The following DNAH7 variants were observed in gnomAD, a reference collection of about 807,000 sequenced individuals.
DNAH7 encodes axonemal beta dynein heavy chain 7.
In DNAH7, 397 loss-of-function variants were observed where a neutral mutation model predicts 444.6. The observed-to-expected ratio is 0.89, with a 90% CI of 0.82 to 0.97. The LOEUF (loss-of-function observed/expected upper bound fraction) is 0.97, where lower values mean the gene tolerates loss of function less well. DNAH7 is among the 50% of genes least tolerant of loss of function. The probability of loss-of-function intolerance (pLI) is 0.00; values close to 1 mark genes in which losing one functional copy is unlikely to be tolerated. For synonymous variants in DNAH7, 1,636 were observed against 1,624.4 expected (o/e 1.01, Z -0.17); for missense variants, 4,902 against 4,800.8 (o/e 1.02, Z -0.62).
intron 20 of DNAH7, 33 bp from the exon 21 acceptor site, chr2:195,934,822 C>A (rs1247599287): frequency 1.9e-6 from 3 of 1,605,068 alleles, no homozygotes; most frequent in Non-Finnish European, 2.6e-6. Flanking sequence ...GATAATTAAC[C>A]AAGTTAAAAC....
At position 195,990,970 on chromosome 2, in the gene DNAH7, CAT is replaced by C. The variant is rs111362660; in HGVS notation, c.1354-2743_1354-2742del. On this transcript the variant is annotated intron_variant, in intron 12 of 64. Transcript: ENST00000312428. Reference sequence around the variant, plus strand: ...ACATATATATACTTAAATATATATACATATATATATATATATGCTTAAGTGTT... The same window carrying C: ...ACATATATATACTTAAATATATATACATATATATATATATGCTTAAGTGTT... Among the ~76,000 whole-genome samples the C allele has an allele frequency of 1.7e-3, 233 of 133,448 alleles. 1 individual carries two copies. The highest frequency in any genetic ancestry group is 4.0e-3 in the Middle Eastern group (1 of 250). 87.5% of individuals were successfully genotyped at this position (133,448 alleles called of 152,430 possible). A position where few individuals can be genotyped will look rare whatever the true frequency, so the allele number is the denominator to read the frequency against.
rs534011623 is a variant in DNAH7 at position 195,941,756 on chromosome 2, C to G, written c.3079-4964G>C. Among the ~76,000 whole-genome samples the G allele has an allele frequency of 2.0e-5, 3 of 152,184 alleles. No individual in the cohort carries two copies. The East Asian group carries it at 5.8e-4, about 29-fold the overall frequency. On this transcript the variant is annotated intron_variant, in intron 19 of 64. Transcript: ENST00000312428. ...CTTCAAGAAAGGAAATGTAGGTTGA[C>G]AGAGTAGAACTTAAAACCTCTTACA...
At position 196,012,821 on chromosome 2, in the gene DNAH7, G is replaced by C; in HGVS notation, c.955C>G (p.His319Asp). The C allele has an allele frequency of 6.3e-7, 1 of 1,589,998 alleles. No individual in the cohort carries two copies. Among genetic ancestry groups the C allele is most frequent in the Non-Finnish European group, 8.6e-7 (1 of 1,169,528 alleles). Residue 319 changes from histidine (H) to aspartate (D), a missense_variant, in exon 10 of 65, where the codon CAC becomes GAC. Physicochemically the swap from His to Asp is moderately conservative, Grantham distance 81. Transcript: ENST00000312428. ...AGAGTCTCTTTGGCAGAGTCCATGTGTCTCATGATAATGTTCTGAAAACTT... is the reference window on the plus strand; with the variant it reads ...AGAGTCTCTTTGGCAGAGTCCATGTCTCTCATGATAATGTTCTGAAAACTT... Reference protein sequence around the residue: ...LSSFQNIIMRHMDSAKETLLK... With the variant: ...LSSFQNIIMRDMDSAKETLLK...
chr2:195,969,849 G>T, intron 17 of DNAH7, 99 bp downstream of exon 17: 2 of 1,223,198 alleles, frequency 1.6e-6, no homozygotes, highest in Middle Eastern at 2.7e-4. Context: ...TGTGGTTACT[G>T]TTTTATTTGA....
intron 15 of DNAH7, among the ~76,000 whole-genome samples, chr2:195,976,904 T>TGA (rs1692250560): frequency 6.6e-6 from 1 of 152,188 alleles, no homozygotes; most frequent in Non-Finnish European, 1.5e-5. Flanking sequence ...TACAAGGCTA[T>TGA]GAGATCCACA....
At chr2:195,970,935 T>A (rs932360796) in intron 16 of DNAH7, among the ~76,000 whole-genome samples, 2 of 152,210 alleles carry the variant, frequency 1.3e-5, no homozygotes, top group East Asian at 3.8e-4. Flanking sequence ...GTTTGTGGAA[T>A]AGTATACTTT....
chr2:195,814,285 G>T (rs1238457612), intron 51 of DNAH7, among the ~76,000 whole-genome samples: 1 of 152,118 alleles, frequency 6.6e-6, no homozygotes, highest in Non-Finnish European at 1.5e-5. Context: ...ACATACATAA[G>T]ATTTTAATTG....
chr2:195,757,041 C>T (rs1200351438), intron 61 of DNAH7, among the ~76,000 whole-genome samples: 10 of 151,936 alleles, frequency 6.6e-5, no homozygotes, highest in Non-Finnish European at 1.0e-4. Flanking sequence ...TTGCCCATGC[C>T]GGTCTCAAAC....
intron 1 of DNAH7, among the ~76,000 whole-genome samples, chr2:196,067,416 A>T (rs1331367646): frequency 6.6e-6 from 1 of 152,042 alleles, no homozygotes; most frequent in East Asian, 1.9e-4. Context: ...AACTAGTAAG[A>T]TCTATTAAAC....
chr2:195,784,026 C>A (rs187728205), intron 58 of DNAH7, among the ~76,000 whole-genome samples: 1 of 152,178 alleles, frequency 6.6e-6, no homozygotes, highest in Admixed American at 6.5e-5. Flanking sequence ...GCACAGCCTC[C>A]CCCAGTATCA....
Position 195,808,836 on chromosome 2 carries a change from A to G in DNAH7, c.9929T>C (p.Ile3310Thr), listed in dbSNP as rs1348162948. The G allele has an allele frequency of 6.2e-7, 1 of 1,613,790 alleles. No individual in the cohort carries two copies. Among genetic ancestry groups the G allele is most frequent in the Admixed American group, 1.7e-5 (1 of 59,936 alleles). The change falls in exon 53 of 65, where the codon ATT becomes ACT. Residue 3310 changes from isoleucine (I) to threonine (T), a missense_variant. Physicochemically the swap from Ile to Thr is moderately conservative, Grantham distance 89 (BLOSUM62 -1). Coordinates refer to ENST00000312428, the MANE Select transcript of DNAH7 (RefSeq NM_018897.3). ...AEWRFLLTGG[I>T]GLDNPYANLC... ...GTTGGCATAAGGATTATCCAGTCCAATGCCACCAGTTAGCAGAAATCTCCA... is the reference window on the plus strand; with the variant it reads ...GTTGGCATAAGGATTATCCAGTCCAGTGCCACCAGTTAGCAGAAATCTCCA...
intron 48 of DNAH7, among the ~76,000 whole-genome samples, chr2:195,828,318 C>T (rs1224562386): frequency 6.6e-6 from 1 of 152,124 alleles, no homozygotes; most frequent in East Asian, 1.9e-4. Flanking sequence ...GGCACAGTGG[C>T]TCATGCCTGT....
chr2:196,046,796 CAA>C (rs1297936168), intron 5 of DNAH7, among the ~76,000 whole-genome samples: 1 of 152,146 alleles, frequency 6.6e-6, no homozygotes, highest in African/African-American at 2.4e-5. Flanking sequence ...ACTCGTCCCA[CAA>C]ATGGTGTACA....
rs1689081907 is a variant in DNAH7 at position 195,936,764 on chromosome 2, A to G, written c.3107T>C (p.Ile1036Thr). Residue 1036 changes from isoleucine to threonine, a missense_variant, in exon 20 of 65, where the codon ATT becomes ACT. Transcript: ENST00000312428. Reference sequence around the variant, plus strand: ...TTTCAGCCTTTCCAGCATTCTGTCAATGGTTACAACTGTCAGAACATGTTT... The same window carrying G: ...TTTCAGCCTTTCCAGCATTCTGTCAGTGGTTACAACTGTCAGAACATGTTT... ...QDKHVLTVVTIDRMLERLKKS... is the reference protein window; with the variant it reads ...QDKHVLTVVTTDRMLERLKKS... 6.3e-7 allele frequency: 1 copy of G among 1,583,664 alleles called. No individual in the cohort carries two copies. The highest frequency in any genetic ancestry group is 8.6e-7 in the Non-Finnish European group (1 of 1,167,988).
chr2:195,915,790 T>C (rs1486893213), intron 24 of DNAH7, among the ~76,000 whole-genome samples: 1 of 152,178 alleles, frequency 6.6e-6, no homozygotes, highest in Non-Finnish European at 1.5e-5. Context: ...TTCAGCCATA[T>C]GGAAAGCATG....
intron 45 of DNAH7, among the ~76,000 whole-genome samples, chr2:195,853,838 T>C (rs1424291018): frequency 6.6e-6 from 1 of 152,200 alleles, no homozygotes; most frequent in African/African-American, 2.4e-5. Context: ...TCTGCAAATA[T>C]AGATATTTTC....
chr2:195,862,578 C>A (rs1700084408), intron 41 of DNAH7, among the ~76,000 whole-genome samples: 2 of 152,176 alleles, frequency 1.3e-5, no homozygotes, highest in Non-Finnish European at 2.9e-5. Context: ...TCCCACATTT[C>A]TGAACTGTTA....
At chr2:195,807,765 A>G (rs1316573215) in intron 53 of DNAH7, among the ~76,000 whole-genome samples, 1 of 152,182 alleles carries the variant, frequency 6.6e-6, no homozygotes, top group Non-Finnish European at 1.5e-5. Context: ...TCAAATTAGA[A>G]ATCTTCATGC....
Position 196,026,952 on chromosome 2 carries a change from A to G in DNAH7, c.487-12T>C, listed in dbSNP as rs752758184. On this transcript the variant is annotated splice_polypyrimidine_tract_variant and intron_variant, in intron 6 of 64. Transcript: ENST00000312428. ...TAATAGTAATATCTCTACAAAAAGAAGATAGGAAAAATGTAGATGTTTAAC... is the reference window on the plus strand; with the variant it reads ...TAATAGTAATATCTCTACAAAAAGAGGATAGGAAAAATGTAGATGTTTAAC... The G allele has an allele frequency of 2.6e-6, 4 of 1,556,438 alleles. No homozygotes were observed. In the Admixed American group the frequency reaches 5.7e-5, roughly 22 times the overall value.
Sources: allele counts gnomAD v4.1 joint callset (sites outside exome capture counted in the v4.1 genomes callset), GRCh38; gene constraint gnomAD v4.1.1; transcripts MANE v1.5; gene names NCBI Gene and HGNC (gene_info 2026-07-23, HGNC 2026-07-21).